SETD3: variants seen among roughly 807,000 people sequenced by gnomAD.
SETD3 encodes the protein actin-histidine N-methyltransferase.
A neutral mutation model predicts 63.0 loss-of-function variants in SETD3; 19 were observed. The observed-to-expected ratio is 0.30, with a 90% CI of 0.21 to 0.44. The LOEUF (loss-of-function observed/expected upper bound fraction) is 0.44. SETD3 is among the 20% of genes least tolerant of loss of function. The pLI is 1.00. For missense variants in SETD3, 587 were observed against 728.5 expected (o/e 0.81, Z 2.24); for synonymous variants, 286 against 264.1 (o/e 1.08, Z -0.80).
At chr14:99,439,661 GTA>G (rs976224529) in intron 6 of SETD3, among the ~76,000 whole-genome samples, 1 of 144,774 alleles carries the variant, frequency 6.9e-6, no homozygotes, top group African/African-American at 2.5e-5. Context: ...AAATATGTAA[GTA>G]TATATAATAC....
chr14:99,462,022 A>G (rs1161249467), intron 3 of SETD3, among the ~76,000 whole-genome samples: 1 of 152,244 alleles, frequency 6.6e-6, no homozygotes, highest in Non-Finnish European at 1.5e-5. Flanking sequence ...TTCACAGTGA[A>G]GATGAACACC....
intron 6 of SETD3, among the ~76,000 whole-genome samples, chr14:99,443,554 A>G (rs1042819726): frequency 1.3e-5 from 2 of 152,174 alleles, no homozygotes; most frequent in Non-Finnish European, 2.9e-5. Context: ...GCCTGGTCCC[A>G]TGATTTTGTT....
At chr14:99,477,265 T>G (rs993071318) in intron 1 of SETD3, among the ~76,000 whole-genome samples, 2 of 152,204 alleles carry the variant, frequency 1.3e-5, no homozygotes, top group African/African-American at 4.8e-5. Flanking sequence ...CCATTCAAAT[T>G]TATCTCAGTC....
upstream of SETD3, chr14:99,481,466 G>T (rs767319893): frequency 1.8e-5 from 7 of 398,592 alleles, no homozygotes; most frequent in Middle Eastern, 6.2e-4. Context: ...TGAGGGGCTT[G>T]CCTGAAGCGA....
chr14:99,449,914 T>C (rs895488403), intron 6 of SETD3, among the ~76,000 whole-genome samples: 1 of 152,182 alleles, frequency 6.6e-6, no homozygotes, highest in Non-Finnish European at 1.5e-5. Flanking sequence ...ACAAACAAAT[T>C]TCACATCCCC....
chr14:99,449,046 G>A (rs1319168964), intron 6 of SETD3, among the ~76,000 whole-genome samples: 1 of 152,098 alleles, frequency 6.6e-6, no homozygotes, highest in Non-Finnish European at 1.5e-5. Context: ...ATATAGTAAT[G>A]GATTACATAG....
upstream of SETD3, among the ~76,000 whole-genome samples, chr14:99,483,287 G>A (rs780983086): frequency 2.0e-5 from 3 of 152,196 alleles, no homozygotes; most frequent in South Asian, 6.2e-4. Context: ...GGTGGCTCAC[G>A]CTTATAATAC....
At chr14:99,472,553 T>C (rs1359427003) in intron 1 of SETD3, among the ~76,000 whole-genome samples, 1 of 152,338 alleles carries the variant, frequency 6.6e-6, no homozygotes, top group Non-Finnish European at 1.5e-5. Flanking sequence ...ACATACTTCA[T>C]GCTCTTCATG....
chr14:99,478,675 T>C (rs181381880), intron 1 of SETD3: 5 of 152,300 alleles, frequency 3.3e-5, no homozygotes, highest in Admixed American at 1.3e-4. Flanking sequence ...CTGGTTTTCA[T>C]TGAATTCAAT....
intron 6 of SETD3, among the ~76,000 whole-genome samples, chr14:99,453,275 C>T (rs1237614073): frequency 6.6e-6 from 1 of 152,220 alleles, no homozygotes; most frequent in Non-Finnish European, 1.5e-5. Context: ...GCAATGTTTA[C>T]ATTTGTGTTC....
upstream of SETD3, among the ~76,000 whole-genome samples, chr14:99,485,364 C>T (rs1896458912): frequency 6.6e-6 from 1 of 152,182 alleles, no homozygotes; most frequent in South Asian, 2.1e-4. Flanking sequence ...TGGCATTATA[C>T]TTCCTAGAGA....
intron 6 of SETD3, among the ~76,000 whole-genome samples, chr14:99,457,504 A>C (rs541141835): frequency 1.3e-5 from 2 of 152,370 alleles, no homozygotes; most frequent in Middle Eastern, 3.4e-3. Context: ...AATCAAACCT[A>C]ATTCAGGTTG....
intron 11 of SETD3, among the ~76,000 whole-genome samples, chr14:99,403,457 T>A (rs1742357): frequency 0.048 from 2,355 of 49,442 alleles, 11 homozygotes; most frequent in Admixed American, 0.066. Context: ...ACACACACAC[T>A]CTCTCTCTCT....
upstream of SETD3, among the ~76,000 whole-genome samples, chr14:99,483,051 T>A (rs757379046): frequency 1.9e-4 from 29 of 152,208 alleles, no homozygotes; most frequent in Non-Finnish European, 3.2e-4. Context: ...ATTCTTAGAT[T>A]TTGAAAAATC....
intron 1 of SETD3, among the ~76,000 whole-genome samples, chr14:99,477,915 AGAT>A (rs965776837): frequency 3.3e-5 from 5 of 152,110 alleles, no homozygotes; most frequent in African/African-American, 7.2e-5. Flanking sequence ...TAGAAAAATG[AGAT>A]GATAAAAGGA....
chr14:99,479,789 A>C (rs1267609671), intron 1 of SETD3, among the ~76,000 whole-genome samples: 1 of 152,218 alleles, frequency 6.6e-6, no homozygotes, highest in African/African-American at 2.4e-5. Context: ...TTGCTTTTGA[A>C]ACATCACCTT....
At chr14:99,467,623 G>A (rs1273784304) in intron 1 of SETD3, among the ~76,000 whole-genome samples, 2 of 152,186 alleles carry the variant, frequency 1.3e-5, no homozygotes, top group African/African-American at 2.4e-5. Context: ...AGGAGGAGAC[G>A]CAGAAGCATC....
upstream of SETD3, chr14:99,480,949 C>T (rs1393617081): frequency 6.5e-6 from 1 of 152,674 alleles, no homozygotes; most frequent in Non-Finnish European, 1.5e-5. Context: ...TTGGCCCACG[C>T]TTCGGACGCA....
intron 11 of SETD3, among the ~76,000 whole-genome samples, chr14:99,401,547 A>G (rs1891388708): frequency 6.6e-6 from 1 of 152,248 alleles, no homozygotes; most frequent in African/African-American, 2.4e-5. Flanking sequence ...CTATGACTAG[A>G]GAGGAACTAA....
Sources: allele counts gnomAD v4.1 joint callset (sites outside exome capture counted in the v4.1 genomes callset), GRCh38; gene constraint gnomAD v4.1.1; transcripts MANE v1.5; gene names NCBI Gene and HGNC (gene_info 2026-07-23, HGNC 2026-07-21).